DNAH14: variants seen among roughly 807,000 people sequenced by gnomAD.
DNAH14 encodes the protein axonemal beta dynein heavy chain 14.
DNAH14 carries 478 observed loss-of-function variants against 520.9 expected under a neutral mutation model. That is an observed-to-expected ratio of 0.92 (90% CI 0.85 to 0.99). The LOEUF (loss-of-function observed/expected upper bound fraction) is 0.99, where lower values mean the gene tolerates loss of function less well. DNAH14 is among the 50% of genes least tolerant of loss of function. DNAH14 has a pLI of 0.00. For synonymous variants in DNAH14, 1,581 were observed against 1,757.2 expected (o/e 0.90, Z 2.51); for missense variants, 4,831 against 5,234.5 (o/e 0.92, Z 2.38).
chr1:225,354,795 C>G (rs1354891743), intron 73 of DNAH14, among the ~76,000 whole-genome samples: 2 of 152,118 alleles, frequency 1.3e-5, no homozygotes, highest in Non-Finnish European at 2.9e-5. Context: ...ATTTAAATTC[C>G]TTAAATTCTT....
intron 81 of DNAH14, among the ~76,000 whole-genome samples, chr1:225,384,182 G>A (rs2095812873): frequency 1.3e-5 from 2 of 152,194 alleles, no homozygotes; most frequent in Non-Finnish European, 2.9e-5. Flanking sequence ...TGGAATAAGT[G>A]CGATGTGGTG....
At chr1:224,940,588 G>A (rs554527384) in intron 1 of DNAH14, among the ~76,000 whole-genome samples, 1 of 152,134 alleles carries the variant, frequency 6.6e-6, no homozygotes, top group Admixed American at 6.5e-5. Flanking sequence ...AGTTACATAT[G>A]TATGCATGTG....
chr1:225,265,416 A>G, intron 48 of DNAH14, 47 bp downstream of exon 48: 1 of 1,431,236 alleles, frequency 7.0e-7, no homozygotes, highest in Non-Finnish European at 9.2e-7. Context: ...AGGCTAGTCA[A>G]GTGATAGTTT....
chr1:224,944,652 A>T (rs1025569156), intron 1 of DNAH14, among the ~76,000 whole-genome samples: 1 of 152,152 alleles, frequency 6.6e-6, no homozygotes, highest in Non-Finnish European at 1.5e-5. Flanking sequence ...TTCCATGTTT[A>T]GTGCTACCTT....
At chr1:225,229,711 T>C (rs1295457668) in intron 41 of DNAH14, among the ~76,000 whole-genome samples, 1 of 151,252 alleles carries the variant, frequency 6.6e-6, no homozygotes, top group Non-Finnish European at 1.5e-5. Flanking sequence ...AAGCTGGAGT[T>C]GAACAATGAG....
intron 55 of DNAH14, among the ~76,000 whole-genome samples, chr1:225,298,313 T>C (rs1468697836): frequency 2.0e-5 from 3 of 152,092 alleles, no homozygotes; most frequent in Non-Finnish European, 4.4e-5. Context: ...TCTCAGGTCC[T>C]GGGCATGGGC....
At chr1:225,229,146 G>A (rs2090847494) in intron 41 of DNAH14, among the ~76,000 whole-genome samples, 1 of 152,174 alleles carries the variant, frequency 6.6e-6, no homozygotes, top group South Asian at 2.1e-4. Flanking sequence ...CACTCTCTTG[G>A]CTGCTGGACT....
intron 76 of DNAH14, among the ~76,000 whole-genome samples, chr1:225,367,131 T>C (rs1192891691): frequency 6.6e-6 from 1 of 150,456 alleles, no homozygotes; most frequent in East Asian, 1.9e-4. Context: ...TGTGTTTATA[T>C]ATATAAACTG....
At chr1:225,252,200 C>A in intron 43 of DNAH14, 101 bp from the exon 44 acceptor site, 2 of 734,254 alleles carry the variant, frequency 2.7e-6, no homozygotes, top group African/African-American at 1.8e-5. Context: ...CTTATTATTT[C>A]TTGTTCAACA....
chr1:224,974,723 C>G (rs1558566011), intron 8 of DNAH14, among the ~76,000 whole-genome samples: 1 of 152,098 alleles, frequency 6.6e-6, no homozygotes, highest in Non-Finnish European at 1.5e-5. Context: ...ATCCACCTTC[C>G]TCTTATTCCT....
Position 225,141,021 on chromosome 1 carries a change from G to A in DNAH14, c.4508G>A (p.Arg1503Lys). 1 of 1,534,766 alleles carries A rather than the reference G, an allele frequency of 6.5e-7. No homozygotes were observed. Among genetic ancestry groups the A allele is most frequent in the South Asian group, 1.2e-5 (1 of 81,542 alleles). ...IFNAEDFEWT[R>K]HLQYKWNEKQ... ...AATGCAGAGGATTTTGAGTGGACAA[G>A]GTAGGTGGATCTAAATTATAACTAC... Residue 1503 changes from arginine (R) to lysine (K), a missense_variant and splice_region_variant, in exon 28 of 86, where the codon AGA becomes AAA. By Grantham distance (26) the Arg-to-Lys change is conservative (BLOSUM62 2). Transcript: ENST00000682510.
intron 10 of DNAH14, among the ~76,000 whole-genome samples, chr1:225,011,662 T>G (rs1168625647): frequency 6.6e-6 from 1 of 152,144 alleles, no homozygotes; most frequent in Non-Finnish European, 1.5e-5. Context: ...CTTGTTGGGT[T>G]GATCCCTTTA....
At chr1:224,953,278 A>G (rs1390658414) in intron 2 of DNAH14, among the ~76,000 whole-genome samples, 1 of 151,940 alleles carries the variant, frequency 6.6e-6, no homozygotes, top group Non-Finnish European at 1.5e-5. Context: ...GCCCACTACC[A>G]CACCTGGCTA....
At chr1:225,052,135 A>C (rs1012854239) in intron 17 of DNAH14, among the ~76,000 whole-genome samples, 2 of 152,160 alleles carry the variant, frequency 1.3e-5, no homozygotes, top group Non-Finnish European at 2.9e-5. Flanking sequence ...CATCTATTCC[A>C]TTAGAATGTA....
At chr1:225,219,422 T>A (rs1295025052) in intron 41 of DNAH14, among the ~76,000 whole-genome samples, 2 of 147,018 alleles carry the variant, frequency 1.4e-5, no homozygotes, top group Admixed American at 6.8e-5. Flanking sequence ...CAGAATAATA[T>A]AGAAGAAAAG....
chr1:225,266,686 T>C lies in DNAH14; in HGVS notation c.7456T>C (p.Tyr2486His). ...DDMNMPVSDMYGAQPPLELIR... is the reference protein window; with the variant it reads ...DDMNMPVSDMHGAQPPLELIR... ...TATGAATATGCCAGTATCAGATATGTATGGAGCACAGCCACCCCTGGAATT... is the reference window on the plus strand; with the variant it reads ...TATGAATATGCCAGTATCAGATATGCATGGAGCACAGCCACCCCTGGAATT... The change falls in exon 49 of 86, where the codon TAT (tyrosine) becomes CAT (histidine). Residue 2486 changes from tyrosine to histidine, a missense_variant. Tyr to His is a moderately conservative substitution (Grantham distance 83). Transcript: ENST00000682510. 1 of 1,518,746 alleles carries C rather than the reference T, an allele frequency of 6.6e-7. No homozygotes were observed. The allele number at this position is 1,518,746 out of a possible 1,614,324, so 94.1% of individuals were successfully genotyped here. A position where few individuals can be genotyped will look rare whatever the true frequency, so the allele number is the denominator to read the frequency against.
chr1:225,120,518 G>C (rs2077200198), intron 26 of DNAH14, among the ~76,000 whole-genome samples: 2 of 152,220 alleles, frequency 1.3e-5, no homozygotes. Flanking sequence ...TTTCAGGAAA[G>C]GGCTGTTGCC....
chr1:225,204,225 A>G lies in DNAH14; in HGVS notation c.5929A>G (p.Asn1977Asp). Residue 1977 changes from asparagine to aspartate, a missense_variant, in exon 39 of 86, where the codon AAT (asparagine) becomes GAT (aspartate). Transcript: ENST00000682510. ...CTCTGATACAACAGAGACTGATGATAATATTTTTGAGGAGATAGAGAAAGT... is the reference window on the plus strand; with the variant it reads ...CTCTGATACAACAGAGACTGATGATGATATTTTTGAGGAGATAGAGAAAGT... ...DSSDTTETDD[N>D]IFEEIEKVVK... The G allele has an allele frequency of 6.7e-7, 1 of 1,492,202 alleles. No individual in the cohort carries two copies. The highest frequency in any genetic ancestry group is 8.9e-7 in the Non-Finnish European group (1 of 1,128,088). The allele number at this position is 1,492,202 out of a possible 1,614,324, so 92.4% of individuals were successfully genotyped here. A position where few individuals can be genotyped will look rare whatever the true frequency, so the allele number is the denominator to read the frequency against.
chr1:225,318,554 G>T (rs2094505681), intron 60 of DNAH14, 29 bp from the exon 61 acceptor site: 5 of 1,513,040 alleles, frequency 3.3e-6, no homozygotes, highest in Non-Finnish European at 4.4e-6. Flanking sequence ...TGATTCATAT[G>T]TGTTTGGGGA....
Sources: allele counts gnomAD v4.1 joint callset (sites outside exome capture counted in the v4.1 genomes callset), GRCh38; gene constraint gnomAD v4.1.1; transcripts MANE v1.5; gene names NCBI Gene and HGNC (gene_info 2026-07-23, HGNC 2026-07-21).